PTPRK: variants seen among roughly 807,000 people sequenced by gnomAD.
PTPRK encodes receptor-type tyrosine-protein phosphatase kappa.
A neutral mutation model predicts 178.0 loss-of-function variants in PTPRK; 75 were observed. That is an observed-to-expected ratio of 0.42 (90% CI 0.35 to 0.51). The LOEUF (loss-of-function observed/expected upper bound fraction) is 0.51, where lower values mean the gene tolerates loss of function less well. Among genes scored for constraint, PTPRK ranks in the 20% least tolerant of loss-of-function variants. The pLI, the probability that PTPRK is intolerant of heterozygous loss-of-function variation, is 0.02. For synonymous variants in PTPRK, 637 were observed against 620.6 expected (o/e 1.03, Z -0.39); for missense variants, 1,441 against 1,797.8 (o/e 0.80, Z 3.59).
At chr6:128,089,303 C>T (rs1786512751) in intron 8 of PTPRK, among the ~76,000 whole-genome samples, 1 of 152,186 alleles carries the variant, frequency 6.6e-6, no homozygotes, top group Admixed American at 6.5e-5. Context: ...ATAAAAACAG[C>T]TACTATTGGT....
At chr6:128,309,186 C>T (rs1419312245) in intron 3 of PTPRK, among the ~76,000 whole-genome samples, 1 of 152,118 alleles carries the variant, frequency 6.6e-6, no homozygotes, top group African/African-American at 2.4e-5. Context: ...TGAGCATTCA[C>T]TAGACCTTTT....
chr6:128,065,563 C>G (rs1781603748), intron 12 of PTPRK, among the ~76,000 whole-genome samples: 1 of 152,088 alleles, frequency 6.6e-6, no homozygotes, highest in Admixed American at 6.6e-5. Context: ...GGTATCAAAG[C>G]CAGTGAACAA....
intron 13 of PTPRK, among the ~76,000 whole-genome samples, chr6:128,020,202 T>C (rs1413774221): frequency 1.3e-5 from 2 of 152,202 alleles, no homozygotes; most frequent in Middle Eastern, 3.2e-3. Flanking sequence ...ACATACTGAT[T>C]ATTACATATG....
At chr6:128,364,607 T>C (rs572416684) in intron 2 of PTPRK, among the ~76,000 whole-genome samples, 3 of 152,132 alleles carry the variant, frequency 2.0e-5, no homozygotes, top group Admixed American at 1.3e-4. Flanking sequence ...TAATGATGAT[T>C]GACATCTTCC....
intron 19 of PTPRK, 124 bp from the exon 20 acceptor site, chr6:127,991,515 C>G (rs912479801): frequency 5.5e-6 from 3 of 547,772 alleles, no homozygotes; most frequent in Non-Finnish European, 5.8e-6. Context: ...CAAAATGTCA[C>G]TGAAAATACT....
chr6:128,416,673 A>G lies in PTPRK; in HGVS notation c.101-18985T>C, dbSNP rs918494015. Among the ~76,000 whole-genome samples, 15 of 150,400 alleles carry G rather than the reference A, an allele frequency of 1.0e-4. No individual in the cohort carries two copies. In the South Asian group the frequency reaches 2.7e-3, roughly 27 times the overall value. ...AAAAAAAAAAAAAAAAAAGAACTGG[A>G]GAGGCAAACAACACTCAATAACAAC... is the stretch of plus-strand genomic sequence containing the variant. On this transcript the variant is annotated intron_variant, in intron 1 of 29. Transcript: ENST00000368226.
chr6:128,460,002 A>G (rs1562565834), intron 1 of PTPRK, among the ~76,000 whole-genome samples: 1 of 152,152 alleles, frequency 6.6e-6, no homozygotes, highest in Admixed American at 6.6e-5. Context: ...CAATTTTAAC[A>G]ATCAGATCTC....
intron 1 of PTPRK, among the ~76,000 whole-genome samples, chr6:128,496,689 A>G (rs1854712811): frequency 1.3e-5 from 2 of 152,196 alleles, no homozygotes; most frequent in Non-Finnish European, 2.9e-5. Context: ...AATTATTAGC[A>G]TCCTGTAAGA....
At chr6:128,208,424 T>C (rs1301317744) in intron 6 of PTPRK, among the ~76,000 whole-genome samples, 1 of 152,086 alleles carries the variant, frequency 6.6e-6, no homozygotes, top group Non-Finnish European at 1.5e-5. Flanking sequence ...TGTAGAGAGT[T>C]TGCTTTATTT....
intron 3 of PTPRK, among the ~76,000 whole-genome samples, chr6:128,290,856 T>C (rs1195678758): frequency 2.0e-5 from 3 of 152,228 alleles, no homozygotes; most frequent in Middle Eastern, 3.4e-3. Flanking sequence ...ATAACACTTA[T>C]TGAATTCTGA....
intron 6 of PTPRK, among the ~76,000 whole-genome samples, chr6:128,196,593 GA>G (rs1804901718): frequency 6.6e-6 from 1 of 152,048 alleles, no homozygotes; most frequent in Non-Finnish European, 1.5e-5. Context: ...TGAAATACTG[GA>G]AGGGAGTCCT....
chr6:128,318,152 G>A (rs576779195), intron 3 of PTPRK, among the ~76,000 whole-genome samples: 1 of 152,226 alleles, frequency 6.6e-6, no homozygotes, highest in East Asian at 1.9e-4. Context: ...ACAGAGGAGG[G>A]ACATCCCCTC....
At chr6:128,337,875 A>G (rs1274104288) in intron 2 of PTPRK, among the ~76,000 whole-genome samples, 1 of 152,156 alleles carries the variant, frequency 6.6e-6, no homozygotes, top group East Asian at 1.9e-4. Flanking sequence ...AGTTATTAGG[A>G]AGATCATTTC....
chr6:128,337,812 G>A (rs1418188116), intron 2 of PTPRK, among the ~76,000 whole-genome samples: 1 of 152,174 alleles, frequency 6.6e-6, no homozygotes, highest in Non-Finnish European at 1.5e-5. Flanking sequence ...TCAGGAAGGT[G>A]AGAAAGTCTC....
At chr6:128,158,899 T>A (rs1422120042) in intron 7 of PTPRK, among the ~76,000 whole-genome samples, 1 of 151,900 alleles carries the variant, frequency 6.6e-6, no homozygotes, top group Non-Finnish European at 1.5e-5. Context: ...TGTATGTACA[T>A]GAAAATGTGA....
At position 128,311,220 on chromosome 6, in the gene PTPRK, C is replaced by G. The variant is rs181579920; in HGVS notation, c.495+10819G>C. The stretch of plus-strand genomic sequence containing the variant: ...TTCCACAGGTCATCATCTAAAAATG[C>G]GAACAACGCAACTTCATAGGTCTAG... On this transcript the variant is annotated intron_variant, in intron 3 of 29. Transcript: ENST00000368226. Among the ~76,000 whole-genome samples, 200 of 152,222 alleles carry G rather than the reference C, an allele frequency of 1.3e-3. 2 individuals are homozygous for G. The highest frequency in any genetic ancestry group is 0.011 in the Admixed American group (166 of 15,274).
chr6:128,400,027 T>C (rs1840817222), intron 1 of PTPRK, among the ~76,000 whole-genome samples: 1 of 152,188 alleles, frequency 6.6e-6, no homozygotes, highest in Non-Finnish European at 1.5e-5. Flanking sequence ...CAAATTTTTT[T>C]GTAAAGAATT....
At chr6:128,253,858 C>T (rs1194293730) in intron 3 of PTPRK, among the ~76,000 whole-genome samples, 1 of 152,124 alleles carries the variant, frequency 6.6e-6, no homozygotes, top group Non-Finnish European at 1.5e-5. Context: ...ACAGTATGCA[C>T]TTACAAAGAA....
chr6:128,267,212 T>C (rs1235211762), intron 3 of PTPRK, among the ~76,000 whole-genome samples: 2 of 152,076 alleles, frequency 1.3e-5, no homozygotes, highest in Non-Finnish European at 2.9e-5. Flanking sequence ...CATAAATGCA[T>C]CTTTAAACAG....
Sources: gnomAD v4.1 joint callset for allele counts (sites outside exome capture counted in the v4.1 genomes callset) on GRCh38, gnomAD v4.1.1 for gene constraint, MANE v1.5 for transcripts, NCBI Gene and HGNC (gene_info 2026-07-23, HGNC 2026-07-21) for gene names.